Variants in UBE2E3 observed in about 807,000 individuals in gnomAD.
The protein encoded by UBE2E3 is ubiquitin conjugating enzyme E2 E3.
UBE2E3 carries 5 observed loss-of-function variants against 23.6 expected under a neutral mutation model. That is an observed-to-expected ratio of 0.21 (90% CI 0.11 to 0.44). UBE2E3 has a LOEUF of 0.44. UBE2E3 is among the 20% of genes least tolerant of loss of function. The pLI is 0.99. For synonymous variants in UBE2E3, 78 were observed against 87.5 expected (o/e 0.89, Z 0.60); for missense variants, 81 against 249.8 (o/e 0.32, Z 4.55).
chr2:181,003,584 G>C (rs1009477826), intron 3 of UBE2E3, among the ~76,000 whole-genome samples: 7 of 152,194 alleles, frequency 4.6e-5, no homozygotes, highest in Admixed American at 2.0e-4. Context: ...CTCAGTACCT[G>C]AATGTCATAA....
At chr2:181,062,694 T>C in intron 5 of UBE2E3, 97 bp from the exon 6 acceptor site, 1 of 553,548 alleles carries the variant, frequency 1.8e-6, no homozygotes, top group Non-Finnish European at 3.1e-6. Context: ...ATGAAGATAC[T>C]GCTGAAAAAT....
At chr2:181,058,015 CAGAA>C (rs767422120) in intron 4 of UBE2E3, among the ~76,000 whole-genome samples, 190 bp downstream of exon 4, 12 of 151,732 alleles carry the variant, frequency 7.9e-5, no homozygotes, top group East Asian at 3.9e-4. Context: ...TTGTAATAAA[CAGAA>C]AGAGTTTAAT....
rs560868708 is a variant in UBE2E3 at position 181,020,211 on chromosome 2, C to T, written c.245+36118C>T. Among the ~76,000 whole-genome samples the T allele has an allele frequency of 1.4e-4, 22 of 152,156 alleles. No individual in the cohort carries two copies. The East Asian group carries it at 3.3e-3, about 23-fold the overall frequency. On this transcript the variant is annotated intron_variant, in intron 3 of 5. Coordinates refer to ENST00000410062, the MANE Select transcript of UBE2E3 (RefSeq NM_006357.4). Reference sequence around the variant, plus strand: ...CTCCAGTATAAGATGTGGACAGGGCCGTGCTCCCTCTGAAATCTGTAGGGG... The same window carrying T: ...CTCCAGTATAAGATGTGGACAGGGCTGTGCTCCCTCTGAAATCTGTAGGGG...
intron 3 of UBE2E3, among the ~76,000 whole-genome samples, chr2:181,031,057 T>C (rs1686063468): frequency 6.6e-6 from 1 of 152,170 alleles, no homozygotes; most frequent in African/African-American, 2.4e-5. Flanking sequence ...TTTTAGCTTT[T>C]CTTCTGTAAT....
intron 3 of UBE2E3, among the ~76,000 whole-genome samples, chr2:180,984,595 G>C (rs982425133): frequency 9.2e-5 from 14 of 152,084 alleles, no homozygotes; most frequent in African/African-American, 3.4e-4. Flanking sequence ...TGGTTTTAGT[G>C]GTCGTTTTCT....
intron 2 of UBE2E3, 54 bp downstream of exon 2, chr2:180,982,290 T>C (rs1209231422): frequency 6.5e-7 from 1 of 1,538,836 alleles, no homozygotes; most frequent in East Asian, 2.3e-5. Context: ...TTCCAGGTGG[T>C]TGGACGCTTT....
intron 3 of UBE2E3, among the ~76,000 whole-genome samples, chr2:181,027,027 G>C (rs1022170580): frequency 2.6e-5 from 4 of 151,888 alleles, no homozygotes; most frequent in Non-Finnish European, 4.4e-5. Flanking sequence ...AATTTGTGCA[G>C]AGAATTGCGC....
intron 3 of UBE2E3, among the ~76,000 whole-genome samples, chr2:181,023,701 A>G (rs943250536): frequency 3.3e-5 from 5 of 152,190 alleles, no homozygotes; most frequent in African/African-American, 9.6e-5. Context: ...CATGGACTCT[A>G]TCTTGGTACC....
intron 3 of UBE2E3, among the ~76,000 whole-genome samples, chr2:181,033,260 C>T (rs1466849350): frequency 3.3e-5 from 5 of 152,262 alleles, no homozygotes; most frequent in South Asian, 2.1e-4. Context: ...GGAGGCATCA[C>T]GCTACCTGAC....
In UBE2E3 at chr2:181,018,731, A is replaced by T. The variant is rs149181571; in HGVS notation, c.245+34638A>T. On this transcript the variant is annotated intron_variant, in intron 3 of 5. Transcript: ENST00000410062. Reference sequence around the variant, plus strand: ...GGACTCTTCATCTTTGATTTCATACAGTTGGTAACATCTTAACAAATGACC... The same window carrying T: ...GGACTCTTCATCTTTGATTTCATACTGTTGGTAACATCTTAACAAATGACC... Among the ~76,000 whole-genome samples, 605 of 151,996 alleles carry T rather than the reference A, an allele frequency of 4.0e-3. 2 individuals are homozygous for T. The highest frequency in any genetic ancestry group is 0.014 in the African/African-American group (568 of 41,458).
In UBE2E3 at chr2:181,015,470, A is replaced by C. The variant is rs182460712; in HGVS notation, c.245+31377A>C. On this transcript the variant is annotated intron_variant, in intron 3 of 5. Transcript: ENST00000410062. ...ATTTTTGCAATAAAGACTAACAAAA[A>C]CAAAAAGACTACTTATTAAAAAGAC... 2.6e-5 allele frequency among the ~76,000 whole-genome samples: 4 copies of C among 152,314 alleles called. No individual in the cohort carries two copies. In the East Asian group the frequency reaches 7.7e-4, roughly 29 times the overall value.
intron 3 of UBE2E3, among the ~76,000 whole-genome samples, chr2:181,048,094 A>G (rs1686724283): frequency 6.6e-6 from 1 of 152,142 alleles, no homozygotes; most frequent in African/African-American, 2.4e-5. Flanking sequence ...TTCTACTGAT[A>G]AACCCCCACT....
intron 3 of UBE2E3, 94 bp downstream of exon 3, chr2:180,984,187 A>T (rs112399456): frequency 9.2e-7 from 1 of 1,092,260 alleles, no homozygotes; most frequent in Non-Finnish European, 1.3e-6. Flanking sequence ...AGAGGAGACA[A>T]CATTTGCTTC....
At chr2:181,022,989 C>T (rs908250342) in intron 3 of UBE2E3, among the ~76,000 whole-genome samples, 2 of 152,188 alleles carry the variant, frequency 1.3e-5, no homozygotes, top group Admixed American at 1.3e-4. Flanking sequence ...ACCAGATAGT[C>T]CCCGACCAAC....
chr2:180,982,267 T>C (rs1246951928), intron 2 of UBE2E3, 31 bp downstream of exon 2: 2 of 1,585,742 alleles, frequency 1.3e-6, no homozygotes, highest in East Asian at 2.2e-5. Context: ...CCAGCACACT[T>C]TGTCAGGTTG....
intron 3 of UBE2E3, among the ~76,000 whole-genome samples, chr2:181,056,530 A>G (rs951699474): frequency 1.3e-5 from 2 of 151,782 alleles, no homozygotes; most frequent in South Asian, 4.1e-4. Context: ...CTTTTTAACA[A>G]TGAGTTCTCT....
At chr2:181,030,201 C>T (rs893075763) in intron 3 of UBE2E3, among the ~76,000 whole-genome samples, 2 of 152,010 alleles carry the variant, frequency 1.3e-5, no homozygotes, top group Non-Finnish European at 2.9e-5. Flanking sequence ...GTAAACTCTT[C>T]ATTGGGCATT....
intron 3 of UBE2E3, among the ~76,000 whole-genome samples, chr2:181,026,079 G>T (rs190101136): frequency 1.3e-4 from 19 of 151,958 alleles, no homozygotes; most frequent in Admixed American, 2.0e-4. Flanking sequence ...CAGTAGATTT[G>T]GGGAGGCTTT....
At chr2:180,990,027 T>C in intron 3 of UBE2E3, 1 of 1,483,160 alleles carries the variant, frequency 6.7e-7, no homozygotes, top group Non-Finnish European at 9.1e-7. Context: ...AGTGATTTTT[T>C]TTTCCACATA....
Sources: gnomAD v4.1 joint callset for allele counts (sites outside exome capture counted in the v4.1 genomes callset) on GRCh38, gnomAD v4.1.1 for gene constraint, MANE v1.5 for transcripts, NCBI Gene and HGNC (gene_info 2026-07-23, HGNC 2026-07-21) for gene names.